Variants in TMEM132C observed in about 807,000 individuals in gnomAD.
The protein encoded by TMEM132C is protein phosphatase 1, regulatory subunit 152.
TMEM132C carries 29 observed loss-of-function variants against 61.4 expected under a neutral mutation model. The ratio of observed to expected loss-of-function variants is 0.47; its 90% CI spans 0.35 to 0.64. The LOEUF (loss-of-function observed/expected upper bound fraction) is 0.64, where lower values mean the gene tolerates loss of function less well. Ranked by LOEUF, TMEM132C falls within the 30% of genes least tolerant of loss-of-function variation. The pLI is 0.00. For synonymous variants in TMEM132C, 656 were observed against 633.1 expected (o/e 1.04, Z -0.54); for missense variants, 1,408 against 1,476.9 (o/e 0.95, Z 0.76).
chr12:128,294,300 G>A (rs1202018395), intron 1 of TMEM132C: 2 of 152,484 alleles, frequency 1.3e-5, no homozygotes, highest in East Asian at 3.9e-4. Flanking sequence ...GCTTTTGAAT[G>A]AGACTGGGGC....
chr12:128,349,035 A>C (rs1873256827), intron 1 of TMEM132C, among the ~76,000 whole-genome samples: 1 of 152,118 alleles, frequency 6.6e-6, no homozygotes, highest in Non-Finnish European at 1.5e-5. Context: ...ATGGAATCTC[A>C]CTCTGTTACC....
At chr12:128,332,969 T>C (rs1872699321) in intron 1 of TMEM132C, among the ~76,000 whole-genome samples, 1 of 152,228 alleles carries the variant, frequency 6.6e-6, no homozygotes, top group Non-Finnish European at 1.5e-5. Context: ...CTAGAAAATA[T>C]GACATGGGCA....
chr12:128,684,384 T>C (rs1417021954), intron 5 of TMEM132C, among the ~76,000 whole-genome samples: 1 of 152,162 alleles, frequency 6.6e-6, no homozygotes, highest in Admixed American at 6.5e-5. Context: ...ACCACAACAT[T>C]TGGATCCTAC....
intron 4 of TMEM132C, among the ~76,000 whole-genome samples, chr12:128,635,473 T>TC (rs1954096435): frequency 6.6e-6 from 1 of 151,624 alleles, no homozygotes; most frequent in South Asian, 2.1e-4. Context: ...TTTTTTTTTT[T>TC]TTTTTGGTTT....
chr12:128,504,552 G>A lies in TMEM132C; in HGVS notation c.975-39405G>A, dbSNP rs546806177. Among the ~76,000 whole-genome samples, 15 of 152,134 alleles carry A rather than the reference G, an allele frequency of 9.9e-5. No individual in the cohort carries two copies. In the East Asian group the frequency reaches 1.2e-3, roughly 12 times the overall value. ...GCTGGAAGTCCGAGACTAAGGAGCC[G>A]GCAGGGTTCTTTTCTCCTGAGGCCT... On this transcript the variant is annotated intron_variant, in intron 2 of 8. Transcript: ENST00000435159.
At chr12:128,634,791 TAGCACCAAACCAA>T (rs1299564483) in intron 4 of TMEM132C, among the ~76,000 whole-genome samples, 1 of 152,238 alleles carries the variant, frequency 6.6e-6, no homozygotes, top group Admixed American at 6.5e-5. Flanking sequence ...TTTTAGGTTT[TAGCACCAAACCAA>T]AGACTTTGAC....
chr12:128,420,046 A>G (rs894313268), intron 2 of TMEM132C, among the ~76,000 whole-genome samples: 1 of 151,958 alleles, frequency 6.6e-6, no homozygotes, highest in East Asian at 1.9e-4. Flanking sequence ...TAAAAAAAAA[A>G]ATAGCTGGGC....
chr12:128,439,200 C>T, intron 2 of TMEM132C: 1 of 162,132 alleles, frequency 6.2e-6, no homozygotes, highest in Non-Finnish European at 1.4e-5. Flanking sequence ...AAGGAGCTGC[C>T]CATCTTTACC....
intron 1 of TMEM132C, among the ~76,000 whole-genome samples, chr12:128,281,271 G>A (rs1374057296): frequency 2.0e-5 from 3 of 152,180 alleles, no homozygotes; most frequent in African/African-American, 7.2e-5. Context: ...TGGCCCGAGT[G>A]CCAGTTGGAA....
chr12:128,705,650 C>T lies in TMEM132C; in HGVS notation c.2682C>T (p.Asn894=). The T allele has an allele frequency of 6.4e-7, 1 of 1,551,164 alleles. No individual in the cohort carries two copies. Residue 894 remains asparagine, a synonymous_variant, in exon 9 of 9, where the codon AAC becomes AAT. Coordinates refer to ENST00000435159, the MANE Select transcript of TMEM132C (RefSeq NM_001136103.3). ...AGAACATCCCCATTGACTTCACCAA[C>T]TTCCCTGCCCACGTGGACCTCCCCA... ...QLQNIPIDFT[N]FPAHVDLPKA...
intron 2 of TMEM132C, among the ~76,000 whole-genome samples, chr12:128,504,594 G>A (rs1460092945): frequency 6.6e-6 from 1 of 152,076 alleles, no homozygotes; most frequent in African/African-American, 2.4e-5. Flanking sequence ...TTGACTTGCA[G>A]ATGGCCACTT....
At chr12:128,426,750 C>T (rs1431420366) in intron 2 of TMEM132C, among the ~76,000 whole-genome samples, 1 of 152,130 alleles carries the variant, frequency 6.6e-6, no homozygotes, top group Admixed American at 6.6e-5. Context: ...AGCCCAGCTC[C>T]CGTGAAACAT....
chr12:128,622,366 T>A (rs3996464), intron 4 of TMEM132C, among the ~76,000 whole-genome samples: 1,004 of 36,510 alleles, frequency 0.027, 30 homozygotes, highest in African/African-American at 0.055. Context: ...AAAAAATATA[T>A]ATATATATAT....
At chr12:128,538,925 C>T (rs1207085494) in intron 2 of TMEM132C, among the ~76,000 whole-genome samples, 2 of 152,158 alleles carry the variant, frequency 1.3e-5, no homozygotes, top group African/African-American at 2.4e-5. Context: ...ATTATGATTA[C>T]TTTTCCTTCT....
At chr12:128,580,000 GAC>G (rs1332057707) in intron 3 of TMEM132C, among the ~76,000 whole-genome samples, 1 of 152,146 alleles carries the variant, frequency 6.6e-6, no homozygotes, top group East Asian at 1.9e-4. Flanking sequence ...AAGAGACTGT[GAC>G]ACACGTGTTC....
At chr12:128,501,827 A>G (rs780123673) in intron 2 of TMEM132C, among the ~76,000 whole-genome samples, 9 of 152,296 alleles carry the variant, frequency 5.9e-5, no homozygotes, top group South Asian at 2.1e-4. Flanking sequence ...TGTGGGTGGA[A>G]AGAAACCTGT....
At chr12:128,444,034 C>CT (rs1236198901) in intron 2 of TMEM132C, among the ~76,000 whole-genome samples, 1 of 152,200 alleles carries the variant, frequency 6.6e-6, no homozygotes, top group Non-Finnish European at 1.5e-5. Context: ...AGTGATTCTC[C>CT]TGCCTCAGCC....
At chr12:128,490,166 G>C (rs1295249750) in intron 2 of TMEM132C, among the ~76,000 whole-genome samples, 1 of 152,200 alleles carries the variant, frequency 6.6e-6, no homozygotes, top group Non-Finnish European at 1.5e-5. Context: ...CTATCTTGGT[G>C]AGCACTCAGT....
At chr12:128,434,513 C>T (rs908590746) in intron 2 of TMEM132C, among the ~76,000 whole-genome samples, 1 of 152,124 alleles carries the variant, frequency 6.6e-6, no homozygotes, top group African/African-American at 2.4e-5. Flanking sequence ...GTCTTGAACT[C>T]CTGACCTCAA....
Sources: gnomAD v4.1 joint callset for allele counts (sites outside exome capture counted in the v4.1 genomes callset) on GRCh38, gnomAD v4.1.1 for gene constraint, MANE v1.5 for transcripts, NCBI Gene and HGNC (gene_info 2026-07-23, HGNC 2026-07-21) for gene names.